UXS1: variants seen among roughly 807,000 people sequenced by gnomAD.
UXS1 encodes the protein UDP-glucuronic acid decarboxylase 1.
In UXS1, 33 loss-of-function variants were observed where a neutral mutation model predicts 62.6. The ratio of observed to expected loss-of-function variants is 0.53; its 90% CI spans 0.40 to 0.70. The LOEUF is 0.70. UXS1 is among the 30% of genes least tolerant of loss of function. UXS1 has a pLI of 0.00. For synonymous variants in UXS1, 213 were observed against 206.8 expected, an observed-to-expected ratio of 1.03 and a Z score of -0.26; for missense variants, 434 against 556.3, an observed-to-expected ratio of 0.78 and a Z score of 2.21.
At chr2:106,184,495 T>A (rs1684439930) in intron 1 of UXS1, among the ~76,000 whole-genome samples, 1 of 152,204 alleles carries the variant, frequency 6.6e-6, no homozygotes, top group South Asian at 2.1e-4. Flanking sequence ...AGTGGGTGGC[T>A]AATAAACAGG....
chr2:106,174,116 G>T (rs1378616329), intron 1 of UXS1, among the ~76,000 whole-genome samples: 1 of 151,834 alleles, frequency 6.6e-6, no homozygotes, highest in African/African-American at 2.4e-5. Context: ...GGATGGCAAT[G>T]CCAGCAGAGG....
chr2:106,163,931 G>A lies in UXS1; in HGVS notation c.187-221C>T, dbSNP rs528642743. On this transcript the variant is annotated intron_variant, in intron 3 of 14. Coordinates refer to ENST00000283148, the MANE Select transcript of UXS1 (RefSeq NM_001253875.2). Reference sequence around the variant, plus strand: ...ACTCCATAAATGCCTCGGTTTCTGAGACAATTAATGTTTTTGCTCACCCAT... The same window carrying A: ...ACTCCATAAATGCCTCGGTTTCTGAAACAATTAATGTTTTTGCTCACCCAT... Among the ~76,000 whole-genome samples, 3 of 152,294 alleles carry A rather than the reference G, an allele frequency of 2.0e-5. No individual in the cohort carries two copies. The South Asian group carries it at 6.2e-4, about 32-fold the overall frequency.
chr2:106,118,065 C>CA (rs1248558501), intron 9 of UXS1, among the ~76,000 whole-genome samples: 1 of 152,194 alleles, frequency 6.6e-6, no homozygotes, highest in African/African-American at 2.4e-5. Context: ...ATCACTCTGC[C>CA]AGTGTCTAGG....
intron 11 of UXS1, among the ~76,000 whole-genome samples, chr2:106,103,140 T>C (rs560458950): frequency 3.8e-4 from 58 of 152,300 alleles, no homozygotes; most frequent in African/African-American, 1.4e-3. Context: ...CCAGGGTGCA[T>C]TTTGTCCTGA....
chr2:106,194,069 C>T lies in UXS1; in HGVS notation c.94+79G>A, dbSNP rs1380853030. On this transcript the variant is annotated intron_variant, in intron 1 of 14. Transcript: ENST00000283148. ...CGGGGCTGCAGGGCCGCCTCGGGGC[C>T]CCGAACCACCGCCGCCCGGCCCACC... 9 of 1,248,142 alleles carry T rather than the reference C, an allele frequency of 7.2e-6. No individual in the cohort carries two copies. The East Asian group carries it at 1.0e-4, about 14-fold the overall frequency. 77.3% of individuals were successfully genotyped at this position (1,248,142 alleles called of 1,614,324 possible).
chr2:106,184,236 T>C (rs1684421702), intron 1 of UXS1, among the ~76,000 whole-genome samples: 2 of 152,162 alleles, frequency 1.3e-5, no homozygotes, highest in African/African-American at 2.4e-5. Context: ...GGGCTGACCC[T>C]GAATTAATCC....
At chr2:106,101,192 T>A in intron 11 of UXS1, 74 bp from the exon 12 acceptor site, 1 of 1,489,316 alleles carries the variant, frequency 6.7e-7, no homozygotes, top group Middle Eastern at 1.9e-4. Flanking sequence ...ATAGAAGCCC[T>A]CCCAGAAGAA....
chr2:106,093,419 A>G lies in UXS1; in HGVS notation c.*607T>C, dbSNP rs1676819781. On this transcript the variant is annotated 3_prime_UTR_variant, in exon 15 of 15. Transcript: ENST00000283148. The stretch of plus-strand genomic sequence containing the variant: ...CCCCGCCCCAGATACGCAGCAAAAC[A>G]CAGTAGTGATTTCAAATATCCTTGA... The G allele has an allele frequency of 6.8e-6, 1 of 146,622 alleles. No individual in the cohort carries two copies. The allele number at this position is 146,622 out of a possible 1,614,324, so 9.1% of individuals were successfully genotyped here.
At chr2:106,101,158 G>C in intron 11 of UXS1, 40 bp from the exon 12 acceptor site, 1 of 1,610,776 alleles carries the variant, frequency 6.2e-7, no homozygotes, top group Non-Finnish European at 8.5e-7. Flanking sequence ...CTGCCTGCTG[G>C]AATATGCTAG....
At chr2:106,179,765 A>G (rs776451776) in intron 1 of UXS1, among the ~76,000 whole-genome samples, 1 of 152,214 alleles carries the variant, frequency 6.6e-6, no homozygotes, top group African/African-American at 2.4e-5. Flanking sequence ...AAATCTACCA[A>G]TGAGTTCTGT....
chr2:106,101,216 C>T, intron 11 of UXS1, 98 bp from the exon 12 acceptor site: 1 of 1,279,624 alleles, frequency 7.8e-7, no homozygotes, highest in Non-Finnish European at 1.1e-6. Context: ...TTACCACCCC[C>T]AGGAGAAAAC....
At position 106,162,865 on chromosome 2, in the gene UXS1, A is replaced by G. The variant is rs564379955; in HGVS notation, c.230+802T>C. ...ATCATTTAATGAAAATCAAAGGAAAACTGCTCTTCATTTTTTCATTTTTGT... is the reference window on the plus strand; with the variant it reads ...ATCATTTAATGAAAATCAAAGGAAAGCTGCTCTTCATTTTTTCATTTTTGT... On this transcript the variant is annotated intron_variant, in intron 4 of 14. Transcript: ENST00000283148. 2.0e-5 allele frequency among the ~76,000 whole-genome samples: 3 copies of G among 152,314 alleles called. No homozygotes were observed. In the East Asian group the frequency reaches 5.8e-4, roughly 29 times the overall value.
intron 9 of UXS1, 102 bp downstream of exon 9, chr2:106,122,868 C>T (rs1444950650): frequency 6.7e-7 from 1 of 1,493,682 alleles, no homozygotes; most frequent in East Asian, 2.4e-5. Flanking sequence ...CACCTATCCC[C>T]AGACAAAATC....
chr2:106,191,402 G>A (rs746507657), intron 1 of UXS1, among the ~76,000 whole-genome samples: 2 of 152,370 alleles, frequency 1.3e-5, no homozygotes, highest in East Asian at 1.9e-4. Flanking sequence ...CAGACATCAC[G>A]GTTGAGGGAC....
chr2:106,157,945 A>G (rs904877392), intron 5 of UXS1, 113 bp downstream of exon 5: 1 of 926,990 alleles, frequency 1.1e-6, no homozygotes, highest in Non-Finnish European at 1.6e-6. Context: ...ACATACTATA[A>G]GCCACTGAAT....
chr2:106,095,512 TA>T (rs1677002383), intron 14 of UXS1, among the ~76,000 whole-genome samples: 1 of 152,208 alleles, frequency 6.6e-6, no homozygotes, highest in Admixed American at 6.5e-5. Flanking sequence ...ATGCACATTT[TA>T]AAAAGGTAAA....
intron 13 of UXS1, 50 bp downstream of exon 13, chr2:106,098,666 A>G: frequency 6.7e-7 from 1 of 1,498,238 alleles, no homozygotes; most frequent in Non-Finnish European, 9.2e-7. Flanking sequence ...TTATTAACAG[A>G]TAGGGCAGGC....
At chr2:106,172,780 G>T (rs1237321429) in intron 1 of UXS1, among the ~76,000 whole-genome samples, 5 of 152,176 alleles carry the variant, frequency 3.3e-5, no homozygotes, top group Non-Finnish European at 7.3e-5. Context: ...CTGGGGACCT[G>T]CTGCCACCAC....
intron 9 of UXS1, among the ~76,000 whole-genome samples, chr2:106,116,450 CACTCATG>C (rs1036527935): frequency 6.6e-5 from 10 of 152,260 alleles, no homozygotes; most frequent in African/African-American, 2.4e-4. Context: ...ATCTTGCTGT[CACTCATG>C]ATCAGCACCC....
Sources: allele counts gnomAD v4.1 joint callset (sites outside exome capture counted in the v4.1 genomes callset), GRCh38; gene constraint gnomAD v4.1.1; transcripts MANE v1.5; gene names NCBI Gene and HGNC (gene_info 2026-07-23, HGNC 2026-07-21).